MICU2: variants seen among roughly 807,000 people sequenced by gnomAD.
The protein encoded by MICU2 is mitochondrial calcium uptake 2.
MICU2 carries 64 observed loss-of-function variants against 60.4 expected under a neutral mutation model. That is an observed-to-expected ratio of 1.06 (90% confidence interval 0.87 to 1.31). The LOEUF (loss-of-function observed/expected upper bound fraction) is 1.31. Among genes scored for constraint, MICU2 ranks in the 50% most tolerant of loss-of-function variants. The probability of loss-of-function intolerance (pLI) is 0.00; values close to 1 mark genes in which losing one functional copy is unlikely to be tolerated. For synonymous variants in MICU2, 201 were observed against 175.0 expected, an observed-to-expected ratio of 1.15 and a Z score of -1.17; for missense variants, 569 against 531.0, an observed-to-expected ratio of 1.07 and a Z score of -0.70.
chr13:21,500,425 T>TG (rs1566138446), intron 9 of MICU2, among the ~76,000 whole-genome samples: 2 of 135,324 alleles, frequency 1.5e-5, no homozygotes, highest in African/African-American at 3.4e-5. Flanking sequence ...TGATTTTTTT[T>TG]TTTTTTTTTT....
At chr13:21,509,334 A>G (rs543091597) in intron 8 of MICU2, among the ~76,000 whole-genome samples, 12 of 152,346 alleles carry the variant, frequency 7.9e-5, no homozygotes, top group African/African-American at 2.6e-4. Flanking sequence ...AATTAATGTT[A>G]GTATAAAGCT....
chr13:21,563,269 C>A (rs931855838), intron 2 of MICU2, among the ~76,000 whole-genome samples: 23 of 152,056 alleles, frequency 1.5e-4, no homozygotes, highest in African/African-American at 5.3e-4. Flanking sequence ...TCCTGGCTAA[C>A]ACGGTGAAAC....
In MICU2 at chr13:21,588,926, T is replaced by C. The variant is rs187432862; in HGVS notation, c.210+15013A>G. On this transcript the variant is annotated intron_variant, in intron 1 of 11. Coordinates refer to ENST00000382374, the MANE Select transcript of MICU2 (RefSeq NM_152726.3). The stretch of plus-strand genomic sequence containing the variant: ...ATTTTGATAGGTAACAATAAAAATG[T>C]AGATTAGATAAACCACATCTACTAC... Among the ~76,000 whole-genome samples the C allele has an allele frequency of 2.1e-3, 319 of 152,352 alleles. 1 individual carries two copies. Among genetic ancestry groups the C allele is most frequent in the African/African-American group, 7.4e-3 (309 of 41,584 alleles).
intron 2 of MICU2, among the ~76,000 whole-genome samples, chr13:21,540,203 AT>A (rs1887248058): frequency 1.3e-5 from 2 of 152,174 alleles, no homozygotes; most frequent in South Asian, 4.1e-4. Flanking sequence ...TTCCTACTGG[AT>A]AACAGAGATT....
intron 2 of MICU2, among the ~76,000 whole-genome samples, chr13:21,550,191 C>T (rs1252869558): frequency 1.3e-5 from 2 of 152,158 alleles, no homozygotes; most frequent in African/African-American, 4.8e-5. Flanking sequence ...TCCAAAGCTA[C>T]ACAAATTTAT....
intron 2 of MICU2, among the ~76,000 whole-genome samples, chr13:21,558,124 T>A (rs1370413002): frequency 6.6e-6 from 1 of 152,228 alleles, no homozygotes; most frequent in Non-Finnish European, 1.5e-5. Flanking sequence ...GGGTTGTTAC[T>A]GCTATCTGCT....
At chr13:21,521,190 C>T (rs1053427617) in intron 6 of MICU2, 55 bp downstream of exon 6, 2 of 1,311,858 alleles carry the variant, frequency 1.5e-6, no homozygotes, top group African/African-American at 3.0e-5. Context: ...GTAAAATTAT[C>T]ACACAAACAT....
chr13:21,555,631 T>A (rs1887688589), intron 2 of MICU2, among the ~76,000 whole-genome samples: 1 of 152,282 alleles, frequency 6.6e-6, no homozygotes, highest in Admixed American at 6.5e-5. Flanking sequence ...ACTTCAGAAT[T>A]AATAACTTCA....
rs1380867213 is a variant in MICU2, at chr13:21,493,256, A to G, written c.1298T>C (p.Leu433Pro). The change falls in exon 12 of 12, where the codon CTT becomes CCT. Residue 433 changes from leucine to proline, a missense_variant. Physicochemically the swap from Leu to Pro is moderately conservative, Grantham distance 98. Transcript: ENST00000382374. ...ATACTATTATATCTTTTATTAAAAA[A>G]GACCTTTTCCAGCTTGTTTCCAGAC... The part of the protein sequence containing the change: ...KEVWKQAGKG[L>P]F The G allele has an allele frequency of 1.3e-6, 2 of 1,597,528 alleles. No homozygotes were observed. Among genetic ancestry groups the G allele is most frequent in the South Asian group, 2.3e-5 (2 of 88,174 alleles).
intron 7 of MICU2, among the ~76,000 whole-genome samples, chr13:21,510,554 C>T (rs898946982): frequency 2.6e-5 from 4 of 152,036 alleles, no homozygotes; most frequent in African/African-American, 9.7e-5. Context: ...TTCCATTAAA[C>T]GTAATGAGTG....
chr13:21,520,116 G>A (rs1418477089), intron 6 of MICU2, among the ~76,000 whole-genome samples: 18 of 152,028 alleles, frequency 1.2e-4, no homozygotes, highest in Non-Finnish European at 2.2e-4. Flanking sequence ...GTATGTACTC[G>A]TCCATGTTGC....
intron 6 of MICU2, among the ~76,000 whole-genome samples, chr13:21,517,194 A>G (rs1467273810): frequency 6.6e-6 from 1 of 152,236 alleles, no homozygotes; most frequent in African/African-American, 2.4e-5. Context: ...ACAAAACACA[A>G]AAGTAACAAA....
intron 1 of MICU2, among the ~76,000 whole-genome samples, chr13:21,571,010 TCTTC>T (rs1888095234): frequency 6.6e-6 from 1 of 152,322 alleles, no homozygotes; most frequent in South Asian, 2.1e-4. Flanking sequence ...TTTCTTCACT[TCTTC>T]CTTCCTTCCG....
chr13:21,505,456 T>C (rs1886269873), intron 8 of MICU2, among the ~76,000 whole-genome samples: 1 of 152,218 alleles, frequency 6.6e-6, no homozygotes, highest in South Asian at 2.1e-4. Flanking sequence ...ATTTAAATTA[T>C]CTGCTGCTTT....
chr13:21,541,683 A>G (rs11616720), intron 2 of MICU2, among the ~76,000 whole-genome samples: 48,862 of 152,042 alleles, frequency 0.32, 9,052 homozygotes, highest in Non-Finnish European at 0.41. Flanking sequence ...TATCTCATAT[A>G]GATTTTTCAA....
chr13:21,596,633 A>G (rs1888697968), intron 1 of MICU2, among the ~76,000 whole-genome samples: 1 of 152,102 alleles, frequency 6.6e-6, no homozygotes, highest in Admixed American at 6.5e-5. Context: ...CACGTTGGCC[A>G]GGCTGGTTTC....
chr13:21,566,021 T>C (rs1327005447), intron 2 of MICU2, among the ~76,000 whole-genome samples: 1 of 152,200 alleles, frequency 6.6e-6, no homozygotes, highest in Non-Finnish European at 1.5e-5. Flanking sequence ...AGTAATCCTT[T>C]TGTTCCAGTG....
intron 1 of MICU2, among the ~76,000 whole-genome samples, chr13:21,601,366 T>C (rs933889253): frequency 2.0e-5 from 3 of 152,186 alleles, no homozygotes; most frequent in Non-Finnish European, 2.9e-5. Context: ...CAGCCACTGA[T>C]GCTGAAAGGA....
At chr13:21,501,613 C>G (rs188933403) in intron 9 of MICU2, among the ~76,000 whole-genome samples, 1 of 152,158 alleles carries the variant, frequency 6.6e-6, no homozygotes, top group Non-Finnish European at 1.5e-5. Flanking sequence ...TTGAAACCCA[C>G]GAGTATTCAC....
Sources: gnomAD v4.1 joint callset for allele counts (sites outside exome capture counted in the v4.1 genomes callset) on GRCh38, gnomAD v4.1.1 for gene constraint, MANE v1.5 for transcripts, NCBI Gene and HGNC (gene_info 2026-07-23, HGNC 2026-07-21) for gene names.